KCNG3: variants seen among roughly 807,000 people sequenced by gnomAD.
KCNG3 encodes voltage-gated potassium channel regulatory subunit KCNG3.
A neutral mutation model predicts 29.0 loss-of-function variants in KCNG3; 15 were observed. The observed-to-expected ratio is 0.52, with a 90% confidence interval of 0.35 to 0.80. The LOEUF (loss-of-function observed/expected upper bound fraction) is 0.80, where lower values mean the gene tolerates loss of function less well. KCNG3 is among the 30% of genes least tolerant of loss of function. The pLI, the probability that KCNG3 is intolerant of heterozygous loss-of-function variation, is 0.01. For missense variants in KCNG3, 512 were observed against 605.7 expected (o/e 0.85, Z 1.62); for synonymous variants, 322 against 248.9 (o/e 1.29, Z -2.76).
the KCNG3 span, among the ~76,000 whole-genome samples, chr2:42,406,746 G>A: frequency 3.3e-5 from 5 of 150,200 alleles, no homozygotes; most frequent in African/African-American, 1.2e-4. Flanking sequence ...AGAATTGCTT[G>A]AACATATGAG....
At chr2:42,390,749 A>G in the KCNG3 span, among the ~76,000 whole-genome samples, 1 of 152,232 alleles carries the variant, frequency 6.6e-6, no homozygotes, top group African/African-American at 2.4e-5. Context: ...TCGAAAACTT[A>G]ACAAATAATC....
At position 42,493,067 on chromosome 2, in the gene KCNG3, G is replaced by T. The variant is rs527713762; in HGVS notation, c.435C>A (p.Ala145=). The change falls in exon 1 of 2, where the codon GCC becomes GCA. Residue 145 remains alanine (A), a synonymous_variant. Coordinates refer to ENST00000306078, the MANE Select transcript of KCNG3 (RefSeq NM_133329.6). ...LGRDEARPGG[A]EAAPSRRWLE... ...GCCAGCGCCTGGAGGGAGCCGCCTCGGCCCCGCCGGGGCGCGCCTCGTCGC... is the reference window on the plus strand; with the variant it reads ...GCCAGCGCCTGGAGGGAGCCGCCTCTGCCCCGCCGGGGCGCGCCTCGTCGC... 3.4e-5 allele frequency: 52 copies of T among 1,538,006 alleles called. No homozygotes were observed. The highest frequency in any genetic ancestry group is 3.9e-5 in the Non-Finnish European group (45 of 1,146,594).
the KCNG3 span, among the ~76,000 whole-genome samples, chr2:42,428,525 C>G: frequency 7.4e-5 from 11 of 147,862 alleles, no homozygotes; most frequent in Non-Finnish European, 1.2e-4. Flanking sequence ...CTCTACCAAA[C>G]TCTCAGTGAC....
intron 1 of KCNG3, among the ~76,000 whole-genome samples, chr2:42,447,399 A>G (rs1218668161): frequency 6.6e-6 from 1 of 152,202 alleles, no homozygotes; most frequent in African/African-American, 2.4e-5. Context: ...GGTCATTCCA[A>G]ATCAGTAAAT....
At chr2:42,431,871 C>A in the KCNG3 span, among the ~76,000 whole-genome samples, 1 of 152,030 alleles carries the variant, frequency 6.6e-6, no homozygotes, top group African/African-American at 2.4e-5. Flanking sequence ...AACCCCATCA[C>A]TAATAAAAAT....
At position 42,487,156 on chromosome 2, in the gene KCNG3, C is replaced by CAA. The variant is rs1194994891; in HGVS notation, c.665+5679_665+5680dup. On this transcript the variant is annotated intron_variant, in intron 1 of 1. Transcript: ENST00000306078. ...TGGGTGACAGAGCAAGACTCTGTCT[C>CAA]AAAAAAAAAAAAAAAAAAGAATTCA... Among the ~76,000 whole-genome samples, 135 of 67,922 alleles carry CAA rather than the reference C, an allele frequency of 2.0e-3. 1 individual carries two copies. Among genetic ancestry groups the CAA allele is most frequent in the African/African-American group, 4.2e-3 (70 of 16,614 alleles). 44.6% of individuals were successfully genotyped at this position (67,922 alleles called of 152,430 possible).
At chr2:42,455,140 A>G (rs1338295030) in intron 1 of KCNG3, among the ~76,000 whole-genome samples, 2 of 152,100 alleles carry the variant, frequency 1.3e-5, no homozygotes, top group Non-Finnish European at 2.9e-5. Context: ...TTAATACAGA[A>G]CTTTTTTATC....
intron 1 of KCNG3, among the ~76,000 whole-genome samples, chr2:42,472,526 G>A (rs1227360437): frequency 6.6e-6 from 1 of 151,406 alleles, no homozygotes; most frequent in East Asian, 1.9e-4. Flanking sequence ...TTGAGACAAG[G>A]ACTCACGCTG....
In KCNG3 at chr2:42,493,076, G is replaced by T. The variant is rs1673949024; in HGVS notation, c.426C>A (p.Pro142=). Residue 142 remains proline (P), a synonymous_variant, in exon 1 of 2, where the codon CCC becomes CCA. Coordinates refer to ENST00000306078, the MANE Select transcript of KCNG3 (RefSeq NM_133329.6). Reference sequence around the variant, plus strand: ...TGGAGGGAGCCGCCTCGGCCCCGCCGGGGCGCGCCTCGTCGCGGCCCAGCA... The same window carrying T: ...TGGAGGGAGCCGCCTCGGCCCCGCCTGGGCGCGCCTCGTCGCGGCCCAGCA... ...PGVLGRDEAR[P]GGAEAAPSRR... 2 of 1,550,444 alleles carry T rather than the reference G, an allele frequency of 1.3e-6. No homozygotes were observed. The highest frequency in any genetic ancestry group is 2.4e-5 in the East Asian group (1 of 41,580).
At chr2:42,466,243 C>A (rs1558381776) in intron 1 of KCNG3, among the ~76,000 whole-genome samples, 1 of 151,926 alleles carries the variant, frequency 6.6e-6, no homozygotes, top group African/African-American at 2.4e-5. Flanking sequence ...CTGTCTCTAA[C>A]AAAAATACAA....
intron 1 of KCNG3, among the ~76,000 whole-genome samples, chr2:42,446,359 A>AG: frequency 6.6e-6 from 1 of 151,630 alleles, no homozygotes; most frequent in Non-Finnish European, 1.5e-5. Context: ...TTATATTTTG[A>AG]GTAGAGACGG....
At chr2:42,405,935 G>A in the KCNG3 span, among the ~76,000 whole-genome samples, 1 of 151,598 alleles carries the variant, frequency 6.6e-6, no homozygotes, top group African/African-American at 2.4e-5. Flanking sequence ...TAGAGACAGG[G>A]TTTCGTCATG....
intron 1 of KCNG3, among the ~76,000 whole-genome samples, chr2:42,486,188 C>T (rs1022651676): frequency 6.6e-6 from 1 of 152,196 alleles, no homozygotes; most frequent in Non-Finnish European, 1.5e-5. Flanking sequence ...GCGAGAGGGT[C>T]CCCAGTGCCT....
At chr2:42,423,376 G>A in the KCNG3 span, among the ~76,000 whole-genome samples, 59 of 152,296 alleles carry the variant, frequency 3.9e-4, no homozygotes, top group African/African-American at 1.3e-3. Flanking sequence ...GTCCTTCAGT[G>A]GCTCTCTGCC....
At chr2:42,397,403 C>G in the KCNG3 span, among the ~76,000 whole-genome samples, 6 of 152,146 alleles carry the variant, frequency 3.9e-5, no homozygotes, top group East Asian at 7.7e-4. Flanking sequence ...GAAAGACACA[C>G]CATAGACAAA....
rs750313931 is a variant in KCNG3, at chr2:42,443,045, T to G, written c.*889A>C. The G allele has an allele frequency of 6.6e-6, 1 of 152,112 alleles. No homozygotes were observed. Among genetic ancestry groups the G allele is most frequent in the Non-Finnish European group, 1.5e-5 (1 of 67,996 alleles). The allele number at this position is 152,112 out of a possible 1,614,324, so 9.4% of individuals were successfully genotyped here. A position where few individuals can be genotyped will look rare whatever the true frequency, so the allele number is the denominator to read the frequency against. The stretch of plus-strand genomic sequence containing the variant: ...CTGATAAGTCTTATTAAACCTCTAG[T>G]GTTTGGGGGAGGAGGTTAAGAGAAG... On this transcript the variant is annotated 3_prime_UTR_variant, in exon 2 of 2. Transcript: ENST00000306078.
chr2:42,452,731 T>C (rs948213655), intron 1 of KCNG3, among the ~76,000 whole-genome samples: 5 of 151,850 alleles, frequency 3.3e-5, no homozygotes, highest in East Asian at 1.9e-4. Flanking sequence ...TAGTACTCCA[T>C]TGTGTGTAAG....
chr2:42,419,613 T>C, the KCNG3 span, among the ~76,000 whole-genome samples: 5 of 152,204 alleles, frequency 3.3e-5, no homozygotes, highest in South Asian at 1.0e-3. Context: ...GGAAACTGAA[T>C]CAAAGGTTTG....
intron 1 of KCNG3, among the ~76,000 whole-genome samples, chr2:42,472,701 C>A (rs902137082): frequency 6.6e-6 from 1 of 151,328 alleles, no homozygotes; most frequent in African/African-American, 2.4e-5. Flanking sequence ...GGTTTCACCA[C>A]GTTGCACAGG....
Sources: allele counts gnomAD v4.1 joint callset (sites outside exome capture counted in the v4.1 genomes callset), GRCh38; gene constraint gnomAD v4.1.1; transcripts MANE v1.5; gene names NCBI Gene and HGNC (gene_info 2026-07-23, HGNC 2026-07-21).